CAMTA1: variants seen among roughly 807,000 people sequenced by gnomAD.
The protein encoded by CAMTA1 is calmodulin-binding transcription activator 1.
A neutral mutation model predicts 170.9 loss-of-function variants in CAMTA1; 27 were observed. That is an observed-to-expected ratio of 0.16 (90% CI 0.12 to 0.22). CAMTA1 has a LOEUF of 0.22. CAMTA1 is among the 10% of genes least tolerant of loss of function. The pLI is 1.00. For synonymous variants in CAMTA1, 833 were observed against 891.5 expected (o/e 0.93, Z 1.17); for missense variants, 1,619 against 2,217.2 (o/e 0.73, Z 5.42).
intron 4 of CAMTA1, among the ~76,000 whole-genome samples, chr1:7,233,790 G>T (rs897716271): frequency 6.6e-6 from 1 of 151,112 alleles, no homozygotes; most frequent in East Asian, 1.9e-4. Context: ...AGTTCCCTTT[G>T]TCTGGAAGGC....
chr1:7,669,905 A>G (rs1308858466), intron 9 of CAMTA1, among the ~76,000 whole-genome samples: 1 of 152,154 alleles, frequency 6.6e-6, no homozygotes, highest in East Asian at 1.9e-4. Flanking sequence ...TCCCTCTCTC[A>G]TCACTAAGCA....
At chr1:7,666,655 T>C (rs747265757) in intron 9 of CAMTA1, among the ~76,000 whole-genome samples, 27 of 152,320 alleles carry the variant, frequency 1.8e-4, no homozygotes, top group South Asian at 4.1e-4. Flanking sequence ...GATTGGACAC[T>C]GCCTGGGAGG....
intron 12 of CAMTA1, among the ~76,000 whole-genome samples, chr1:7,733,221 A>C (rs2096747542): frequency 6.6e-6 from 1 of 152,066 alleles, no homozygotes; most frequent in Non-Finnish European, 1.5e-5. Context: ...AAGAAGAAAA[A>C]AAAAGGCCAG....
chr1:7,432,592 G>A (rs1403440108), intron 5 of CAMTA1, among the ~76,000 whole-genome samples: 2 of 152,176 alleles, frequency 1.3e-5, no homozygotes, highest in African/African-American at 2.4e-5. Flanking sequence ...GGATGCTGAG[G>A]GGCCAGGGCC....
chr1:6,885,525 C>G (rs1423160501), intron 3 of CAMTA1, among the ~76,000 whole-genome samples: 1 of 152,336 alleles, frequency 6.6e-6, no homozygotes, highest in East Asian at 1.9e-4. Context: ...ACCAGCATAG[C>G]CAGCGTAGCC....
chr1:7,412,386 G>A (rs1249506694), intron 5 of CAMTA1, among the ~76,000 whole-genome samples: 1 of 151,516 alleles, frequency 6.6e-6, no homozygotes, highest in East Asian at 1.9e-4. Context: ...CAGTGTAAAA[G>A]TGTTCCTATT....
At chr1:6,856,282 T>G (rs1196369633) in intron 3 of CAMTA1, among the ~76,000 whole-genome samples, 4 of 151,936 alleles carry the variant, frequency 2.6e-5, no homozygotes, top group Non-Finnish European at 4.4e-5. Flanking sequence ...CCAGTGTTTT[T>G]TTTTTTTTTT....
chr1:7,233,781 G>T (rs570298791), intron 4 of CAMTA1, among the ~76,000 whole-genome samples: 61 of 152,248 alleles, frequency 4.0e-4, no homozygotes, highest in African/African-American at 1.4e-3. Context: ...TGGACGTGCA[G>T]TTCCCTTTGT....
At position 7,076,199 on chromosome 1, in the gene CAMTA1, G is replaced by A. The variant is rs568112805; in HGVS notation, c.235-15105G>A. 3.5e-4 allele frequency among the ~76,000 whole-genome samples: 54 copies of A among 152,306 alleles called. 1 individual carries two copies. The highest frequency in any genetic ancestry group is 1.3e-3 in the African/African-American group (52 of 41,560). ...GACTGACTTTGTAGACTGTCATCAC[G>A]TTGGACAAGAAGGGCCTCGTTTTAT... On this transcript the variant is annotated intron_variant, in intron 3 of 22. Transcript: ENST00000303635.
At chr1:6,860,552 T>C (rs1388173949) in intron 3 of CAMTA1, among the ~76,000 whole-genome samples, 1 of 152,306 alleles carries the variant, frequency 6.6e-6, no homozygotes, top group East Asian at 1.9e-4. Context: ...CCTTATACAC[T>C]GATTTAGTTT....
At chr1:7,344,897 C>T (rs1053283243) in intron 5 of CAMTA1, among the ~76,000 whole-genome samples, 6 of 138,196 alleles carry the variant, frequency 4.3e-5, no homozygotes, top group African/African-American at 1.1e-4. Context: ...CAGGCGCCTG[C>T]CACCATGCCC....
chr1:7,668,388 AACACACACACACACACACACAC>A (rs779206499), intron 9 of CAMTA1, among the ~76,000 whole-genome samples: 42 of 101,422 alleles, frequency 4.1e-4, no homozygotes, highest in African/African-American at 1.3e-3. Context: ...GCTGGTCACC[AACACACACACACACACACACAC>A]ACACACACAC....
At chr1:7,264,362 A>G (rs1668596903) in intron 5 of CAMTA1, among the ~76,000 whole-genome samples, 1 of 152,182 alleles carries the variant, frequency 6.6e-6, no homozygotes, top group Non-Finnish European at 1.5e-5. Context: ...GGAAGAGAAC[A>G]AGTGCCTGCC....
Position 6,800,340 on chromosome 1 carries a change from A to C in CAMTA1, c.45+14765A>C, listed in dbSNP as rs368871545. Reference sequence around the variant, plus strand: ...GAGGATTACTTGAGCCCTTGAGGTCAAGGCTGCAGTGAGCTACGATCACGC... The same window carrying C: ...GAGGATTACTTGAGCCCTTGAGGTCCAGGCTGCAGTGAGCTACGATCACGC... On this transcript the variant is annotated intron_variant, in intron 1 of 22. Transcript: ENST00000303635. Among the ~76,000 whole-genome samples, 8 of 152,108 alleles carry C rather than the reference A, an allele frequency of 5.3e-5. No individual in the cohort carries two copies. The South Asian group carries it at 1.5e-3, about 28-fold the overall frequency.
In CAMTA1 at chr1:7,044,331, G is replaced by A. The variant is rs1704993644; in HGVS notation, c.235-46973G>A. ...CAGAGAGACGCAGAGCAGTGCCGCT[G>A]GGGACCCCGGGGACTCAGAGCAGTG... On this transcript the variant is annotated intron_variant, in intron 3 of 22. Coordinates refer to ENST00000303635, the MANE Select transcript of CAMTA1 (RefSeq NM_015215.4). The surrounding 1 kb of genome is among the most constrained non-coding windows in gnomAD (Gnocchi z 5.0). Among the ~76,000 whole-genome samples the A allele has an allele frequency of 1.3e-5, 2 of 152,094 alleles. No homozygotes were observed. The highest frequency in any genetic ancestry group is 1.3e-4 in the Admixed American group (2 of 15,274).
chr1:6,991,917 G>T (rs140858325), intron 3 of CAMTA1, among the ~76,000 whole-genome samples: 2,152 of 152,208 alleles, frequency 0.014, 57 homozygotes, highest in African/African-American at 0.05. Flanking sequence ...GGCCAGGTTG[G>T]TCTCAAACTC....
intron 5 of CAMTA1, among the ~76,000 whole-genome samples, chr1:7,266,403 T>TA (rs1668938633): frequency 6.6e-6 from 1 of 152,220 alleles, no homozygotes. Flanking sequence ...ACTTGGGAGT[T>TA]AGAGACAAAG....
chr1:6,995,295 C>CTTTTCT (rs1697047615), intron 3 of CAMTA1, among the ~76,000 whole-genome samples: 2 of 60,622 alleles, frequency 3.3e-5, no homozygotes, highest in Non-Finnish European at 5.8e-5. Context: ...TTTTTCTTTT[C>CTTTTCT]TTTTTTTTTT....
intron 4 of CAMTA1, among the ~76,000 whole-genome samples, chr1:7,163,220 G>A (rs1279471314): frequency 6.6e-6 from 1 of 151,010 alleles, no homozygotes; most frequent in Non-Finnish European, 1.5e-5. Context: ...ATGCTGGTCC[G>A]AGAAGAGGTT....
Sources: gnomAD v4.1 joint callset for allele counts (sites outside exome capture counted in the v4.1 genomes callset) on GRCh38, gnomAD v4.1.1 for gene constraint, Gnocchi (gnomAD v3.1) non-coding constraint, MANE v1.5 for transcripts, NCBI Gene and HGNC (gene_info 2026-07-23, HGNC 2026-07-21) for gene names.